Variants in LIMCH1 observed in about 807,000 individuals in gnomAD.
LIMCH1 encodes the protein LIM and calponin homology domains 1.
A neutral mutation model predicts 176.5 loss-of-function variants in LIMCH1; 113 were observed. That is an observed-to-expected ratio of 0.64 (90% CI 0.55 to 0.75). LIMCH1 has a LOEUF of 0.75. LIMCH1 is among the 30% of genes least tolerant of loss of function. The pLI, the probability that LIMCH1 is intolerant of heterozygous loss-of-function variation, is 0.00. For missense variants in LIMCH1, 1,674 were observed against 1,814.9 expected, an observed-to-expected ratio of 0.92 and a Z score of 1.41; for synonymous variants, 619 against 645.9, an observed-to-expected ratio of 0.96 and a Z score of 0.63.
chr4:41,564,248 G>A (rs1431915624), intron 1 of LIMCH1, among the ~76,000 whole-genome samples: 3 of 152,146 alleles, frequency 2.0e-5, no homozygotes, highest in African/African-American at 4.8e-5. Context: ...TGGTAGACCT[G>A]GAATTAGAAT....
At chr4:41,612,310 A>C (rs1294880356) in intron 4 of LIMCH1, 1 of 519,464 alleles carries the variant, frequency 1.9e-6, no homozygotes, top group Admixed American at 3.3e-5. Flanking sequence ...AGTTTAGACC[A>C]GTTTCCAAAA....
chr4:41,459,030 G>T (rs2064978925), intron 1 of LIMCH1, among the ~76,000 whole-genome samples: 1 of 152,068 alleles, frequency 6.6e-6, no homozygotes, highest in Admixed American at 6.6e-5. Flanking sequence ...TGATTTCATA[G>T]AGTTCTTATA....
intron 18 of LIMCH1, among the ~76,000 whole-genome samples, chr4:41,660,042 T>A (rs1227362539): frequency 3.3e-5 from 5 of 152,120 alleles, no homozygotes; most frequent in African/African-American, 1.2e-4. Context: ...TTAAAAATAA[T>A]CACAATTAAC....
chr4:41,370,870 G>A (rs1171382417), intron 1 of LIMCH1, among the ~76,000 whole-genome samples: 1 of 152,150 alleles, frequency 6.6e-6, no homozygotes, highest in Non-Finnish European at 1.5e-5. Context: ...TACTTCTCAA[G>A]CAAGCACTGT....
At chr4:41,505,661 C>T (rs2074053669) in intron 2 of LIMCH1, among the ~76,000 whole-genome samples, 1 of 152,084 alleles carries the variant, frequency 6.6e-6, no homozygotes, top group African/African-American at 2.4e-5. Context: ...GCTAAGTACC[C>T]ATACACAACT....
chr4:41,616,402 G>A (rs566121407), intron 5 of LIMCH1, among the ~76,000 whole-genome samples: 39 of 152,098 alleles, frequency 2.6e-4, no homozygotes, highest in African/African-American at 9.2e-4. Flanking sequence ...GGTGGCGGGC[G>A]CCTGTAATTC....
At chr4:41,480,872 C>T (rs1159191851) in intron 1 of LIMCH1, among the ~76,000 whole-genome samples, 1 of 152,168 alleles carries the variant, frequency 6.6e-6, no homozygotes, top group East Asian at 1.9e-4. Flanking sequence ...AAGGCAAGGG[C>T]AGCTTAAGGA....
chr4:41,435,293 C>T (rs1347281799), intron 1 of LIMCH1, among the ~76,000 whole-genome samples: 8 of 152,102 alleles, frequency 5.3e-5, no homozygotes, highest in Non-Finnish European at 8.8e-5. Flanking sequence ...TGATGCATTT[C>T]GACGATGAAG....
At chr4:41,647,303 C>T (rs1290000930) in intron 17 of LIMCH1, among the ~76,000 whole-genome samples, 2 of 152,202 alleles carry the variant, frequency 1.3e-5, no homozygotes, top group East Asian at 3.9e-4. Flanking sequence ...GAAGTATATG[C>T]AGCTACCTCT....
At chr4:41,521,553 C>T (rs571180757) in intron 2 of LIMCH1, among the ~76,000 whole-genome samples, 5 of 152,176 alleles carry the variant, frequency 3.3e-5, no homozygotes, top group African/African-American at 1.2e-4. Flanking sequence ...AAATCTCTCA[C>T]ACAAAAAATG....
chr4:41,695,674 C>T (rs1304130655), intron 31 of LIMCH1, among the ~76,000 whole-genome samples: 1 of 151,998 alleles, frequency 6.6e-6, no homozygotes, highest in Non-Finnish European at 1.5e-5. Flanking sequence ...TTTCCTAACT[C>T]TTCTCCCATG....
In LIMCH1 at chr4:41,613,661, G is replaced by A. The variant is rs762114385; in HGVS notation, c.205G>A (p.Gly69Arg). The A allele has an allele frequency of 1.2e-6, 2 of 1,613,566 alleles. No individual in the cohort carries two copies. The highest frequency in any genetic ancestry group is 1.7e-6 in the Non-Finnish European group (2 of 1,179,556). ...TGTAGTCCTCAGGGGAAGCAGCGAT[G>A]GTAGGTTGGAGTCTTAATAAACTAT... ...PDVVLRGSSD[G>R]RGSDSESDLP... is the part of the protein sequence containing the mutation. The change falls in exon 5 of 32, where the codon GGG becomes AGG. Residue 69 changes from glycine (G) to arginine (R), a missense_variant and splice_region_variant. Around this residue, in one of 3 missense-constraint regions of LIMCH1, gnomAD observed 655 missense variants for 692.2 expected, o/e 0.95. Coordinates refer to ENST00000503057, the MANE Select transcript of LIMCH1 (RefSeq NM_001330672.2).
At chr4:41,452,496 T>A (rs920774485) in intron 1 of LIMCH1, among the ~76,000 whole-genome samples, 6 of 152,202 alleles carry the variant, frequency 3.9e-5, no homozygotes, top group Admixed American at 1.3e-4. Context: ...CAGTTTCAGT[T>A]CCCTGCATCC....
At chr4:41,550,468 G>T (rs901084028) in intron 1 of LIMCH1, among the ~76,000 whole-genome samples, 2 of 152,056 alleles carry the variant, frequency 1.3e-5, no homozygotes, top group Non-Finnish European at 2.9e-5. Flanking sequence ...CCTCAAGTTG[G>T]AATCAATCAT....
chr4:41,360,026 G>GGGGTGTGT (rs1272581302), upstream of LIMCH1, among the ~76,000 whole-genome samples: 236 of 145,874 alleles, frequency 1.6e-3, no homozygotes, highest in African/African-American at 4.6e-3. This position sits in a 1 kb window ranked among gnomAD's most constrained non-coding sequence, Gnocchi z 4.5. Flanking sequence ...GGGTGTGTAG[G>GGGGTGTGT]GTGTGTGTGT....
intron 2 of LIMCH1, among the ~76,000 whole-genome samples, chr4:41,520,306 C>G (rs1319738882): frequency 1.3e-5 from 2 of 152,050 alleles, no homozygotes; most frequent in Non-Finnish European, 2.9e-5. Flanking sequence ...AAGTCCACTC[C>G]TACCTCAAAG....
At chr4:41,437,934 G>A (rs2062264997) in intron 1 of LIMCH1, among the ~76,000 whole-genome samples, 1 of 152,170 alleles carries the variant, frequency 6.6e-6, no homozygotes. Context: ...TTTAAGTCTG[G>A]ACCCTGCAGT....
chr4:41,514,533 G>A (rs1434474177), intron 2 of LIMCH1, among the ~76,000 whole-genome samples: 4 of 152,202 alleles, frequency 2.6e-5, no homozygotes, highest in Non-Finnish European at 5.9e-5. Flanking sequence ...CAAGTGCAAG[G>A]TGGGGCAGAC....
At chr4:41,366,161 T>G (rs1015337987) in intron 1 of LIMCH1, among the ~76,000 whole-genome samples, 2 of 152,210 alleles carry the variant, frequency 1.3e-5, no homozygotes, top group East Asian at 3.8e-4. Context: ...AACATGATGA[T>G]AAAAATTATG....
Sources: gnomAD v4.1 joint callset for allele counts (sites outside exome capture counted in the v4.1 genomes callset) on GRCh38, gnomAD v4.1.1 for gene constraint, gnomAD v4.1.1 regional missense constraint, Gnocchi (gnomAD v3.1) non-coding constraint, MANE v1.5 for transcripts, NCBI Gene and HGNC (gene_info 2026-07-23, HGNC 2026-07-21) for gene names.